MYBPC2: variants seen among roughly 807,000 people sequenced by gnomAD.
MYBPC2 encodes myosin-binding protein C, fast-type.
MYBPC2 carries 122 observed loss-of-function variants against 137.0 expected under a neutral mutation model. That is an observed-to-expected ratio of 0.89 (90% CI 0.77 to 1.03). The LOEUF (loss-of-function observed/expected upper bound fraction) is 1.03. Among genes scored for constraint, MYBPC2 ranks in the 50% least tolerant of loss-of-function variants. The probability of loss-of-function intolerance (pLI) is 0.00; values close to 1 mark genes in which losing one functional copy is unlikely to be tolerated. For synonymous variants in MYBPC2, 626 were observed against 612.3 expected (o/e 1.02, Z -0.33); for missense variants, 1,500 against 1,534.4 (o/e 0.98, Z 0.37).
Position 50,451,416 on chromosome 19 carries a change from G to A in MYBPC2, c.1609+107G>A, listed in dbSNP as rs146900132. The A allele has an allele frequency of 9.3e-4, 1,184 of 1,271,490 alleles. 12 individuals carry two copies. The African/African-American group carries it at 0.014, about 15-fold the overall frequency. The allele number at this position is 1,271,490 out of a possible 1,614,324, so 78.8% of individuals were successfully genotyped here. A position where few individuals can be genotyped will look rare whatever the true frequency, so the allele number is the denominator to read the frequency against. The stretch of plus-strand genomic sequence containing the variant: ...ATAGGCAGGGCGAGGAAGGATGGGC[G>A]GGGTGCGGGAGGATGAGTGGGGAGA... On this transcript the variant is annotated intron_variant, in intron 15 of 27. Coordinates refer to ENST00000357701, the MANE Select transcript of MYBPC2 (RefSeq NM_004533.4).
intron 11 of MYBPC2, among the ~76,000 whole-genome samples, 186 bp from the exon 12 acceptor site, chr19:50,445,692 CCT>C (rs1241233835): frequency 6.6e-6 from 1 of 151,878 alleles, no homozygotes; most frequent in African/African-American, 2.4e-5. Flanking sequence ...CGTGCCTGGC[CCT>C]CTCTCTCCCC....
At chr19:50,458,438 C>A in intron 20 of MYBPC2, 149 bp from the exon 21 acceptor site, 2 of 955,790 alleles carry the variant, frequency 2.1e-6, no homozygotes, top group Non-Finnish European at 3.0e-6. Context: ...ATGATGAATG[C>A]TTAACTAACT....
Position 50,435,387 on chromosome 19 carries a change from G to T in MYBPC2, c.109+137G>T. 2 of 649,326 alleles carry T rather than the reference G, an allele frequency of 3.1e-6. No individual in the cohort carries two copies. The highest frequency in any genetic ancestry group is 1.7e-5 in the South Asian group (1 of 59,592). The allele number at this position is 649,326 out of a possible 1,614,324, so 40.2% of individuals were successfully genotyped here. A position where few individuals can be genotyped will look rare whatever the true frequency, so the allele number is the denominator to read the frequency against. ...GCCCCAGGGCTGACCCACGCCTCCCGTGCTCCCAGCCCTCCCGGGGCTCCC... is the reference window on the plus strand; with the variant it reads ...GCCCCAGGGCTGACCCACGCCTCCCTTGCTCCCAGCCCTCCCGGGGCTCCC... On this transcript the variant is annotated intron_variant, in intron 2 of 27. Coordinates refer to ENST00000357701, the MANE Select transcript of MYBPC2 (RefSeq NM_004533.4). The surrounding 1 kb of genome is among the most constrained non-coding windows in gnomAD (Gnocchi z 4.8).
At chr19:50,433,277 T>C (rs963289382) in intron 1 of MYBPC2, among the ~76,000 whole-genome samples, 4 of 152,058 alleles carry the variant, frequency 2.6e-5, no homozygotes, top group Non-Finnish European at 4.4e-5. Flanking sequence ...TTTCTTTTTC[T>C]ATAAGTGATT....
Position 50,465,937 on chromosome 19 carries a change from G to A in MYBPC2, c.3416-258G>A, listed in dbSNP as rs1336471002. ...GTCTCCCTGATTAACTATTAAATCA[G>A]CTCAGAAAAATCCCAGCCTCAGGAT... is the stretch of plus-strand genomic sequence containing the variant. On this transcript the variant is annotated intron_variant, in intron 27 of 27. Coordinates refer to ENST00000357701, the MANE Select transcript of MYBPC2 (RefSeq NM_004533.4). The surrounding 1 kb of genome is among the most constrained non-coding windows in gnomAD (Gnocchi z 4.5). Among the ~76,000 whole-genome samples the A allele has an allele frequency of 6.6e-6, 1 of 152,146 alleles. No homozygotes were observed. The highest frequency in any genetic ancestry group is 1.9e-4 in the East Asian group (1 of 5,192).
rs1188243325 is a variant in MYBPC2, at chr19:50,435,809, A to T, written c.143A>T (p.Glu48Val). Residue 48 changes from glutamate to valine, a missense_variant, in exon 3 of 28, where the codon GAG (glutamate) becomes GTG (valine). Transcript: ENST00000357701. The surrounding 1 kb of genome is among the most constrained non-coding windows in gnomAD (Gnocchi z 4.8). ...APPEDQSPTA[E>V]EPTGVFLKKP... ...CCCGAGGACCAGTCCCCGACTGCAG[A>T]GGAGCCCACCGGCGTTTTCCTGAAG... is the stretch of plus-strand genomic sequence containing the variant. 1.2e-6 allele frequency: 2 copies of T among 1,611,922 alleles called. No individual in the cohort carries two copies. The highest frequency in any genetic ancestry group is 3.3e-5 in the Admixed American group (2 of 59,840).
At chr19:50,447,303 G>A (rs1048568546) in intron 12 of MYBPC2, among the ~76,000 whole-genome samples, 2 of 152,126 alleles carry the variant, frequency 1.3e-5, no homozygotes, top group African/African-American at 2.4e-5. Flanking sequence ...AAGAGCACAC[G>A]GGACTCTATG....
chr19:50,466,123 A>G lies in MYBPC2; in HGVS notation c.3416-72A>G. 4.4e-6 allele frequency: 7 copies of G among 1,604,282 alleles called. No individual in the cohort carries two copies. Among genetic ancestry groups the G allele is most frequent in the Non-Finnish European group, 5.1e-6 (6 of 1,175,180 alleles). Reference sequence around the variant, plus strand: ...GTCCCCCTGCTGGTCATGTGGATGCAGCTCCTCCTCCTGGGGCTTCAGGAG... The same window carrying G: ...GTCCCCCTGCTGGTCATGTGGATGCGGCTCCTCCTCCTGGGGCTTCAGGAG... On this transcript the variant is annotated intron_variant, in intron 27 of 27. Coordinates refer to ENST00000357701, the MANE Select transcript of MYBPC2 (RefSeq NM_004533.4). The surrounding 1 kb of genome is among the most constrained non-coding windows in gnomAD (Gnocchi z 4.9).
intron 24 of MYBPC2, among the ~76,000 whole-genome samples, chr19:50,460,614 T>G (rs894524023): frequency 6.6e-6 from 1 of 152,352 alleles, no homozygotes; most frequent in African/African-American, 2.4e-5. Context: ...GTGACCCTTG[T>G]GTCTGACTTT....
intron 16 of MYBPC2, 92 bp downstream of exon 16, chr19:50,452,095 G>A (rs1287446039): frequency 7.4e-7 from 1 of 1,353,450 alleles, no homozygotes; most frequent in Non-Finnish European, 1.0e-6. Context: ...TATAAAATGA[G>A]GGTGATGGTT....
intron 15 of MYBPC2, 114 bp downstream of exon 15, chr19:50,451,423 G>A (rs540137422): frequency 2.5e-5 from 28 of 1,134,770 alleles, no homozygotes; most frequent in South Asian, 9.1e-5. Context: ...GGCGGGGTGC[G>A]GGAGGATGAG....
At chr19:50,457,332 A>G (rs1171340110) in intron 20 of MYBPC2, among the ~76,000 whole-genome samples, 1 of 152,170 alleles carries the variant, frequency 6.6e-6, no homozygotes, top group East Asian at 1.9e-4. Flanking sequence ...CTCTGAGCCA[A>G]CAGCCATGAG....
intron 16 of MYBPC2, among the ~76,000 whole-genome samples, chr19:50,452,526 A>ATCTATCTATCTG (rs2039870994): frequency 6.6e-6 from 1 of 151,624 alleles, no homozygotes; most frequent in Non-Finnish European, 1.5e-5. Context: ...CTATCTATCT[A>ATCTATCTATCTG]TCTATCTATC....
rs374672601 is a variant in MYBPC2 at position 50,445,965 on chromosome 19, A to G, written c.1219A>G (p.Ile407Val). 1.1e-5 allele frequency: 17 copies of G among 1,613,146 alleles called. No individual in the cohort carries two copies. The highest frequency in any genetic ancestry group is 1.4e-5 in the Non-Finnish European group (17 of 1,179,600). Residue 407 changes from isoleucine (I) to valine (V), a missense_variant, in exon 12 of 28, where the codon ATC (isoleucine) becomes GTC (valine). Physicochemically the swap from Ile to Val is conservative, Grantham distance 29. Transcript: ENST00000357701. ...FKKDGKRHIL[I>V]FSDVVQEDRG... ...GAAGGACGGGAAGCGCCACATCCTC[A>G]TCTTCTCAGACGTGGTCCAGGAGGA...
chr19:50,461,626 G>C lies in MYBPC2; in HGVS notation c.3016G>C (p.Val1006Leu), dbSNP rs200308610. 37 of 1,613,614 alleles carry C rather than the reference G, an allele frequency of 2.3e-5. No homozygotes were observed. In the African/African-American group the frequency reaches 4.4e-4, roughly 19 times the overall value. Residue 1006 changes from valine (V) to leucine (L), a missense_variant, in exon 25 of 28, where the codon GTT (valine) becomes CTT (leucine). By Grantham distance (32) the Val-to-Leu change is conservative. Transcript: ENST00000357701. ...CGTGGGCAATGAATACTATTTCCGA[G>C]TTTACACCGAGAACATCTGTGGGCT... The part of the protein sequence containing the change: ...LIVGNEYYFR[V>L]YTENICGLSD...
In MYBPC2 at chr19:50,454,283, A is replaced by G; in HGVS notation, c.1928A>G (p.Glu643Gly). ...CCTGCAGATGTCCCAGACCCCCCGG[A>G]GGCTGTGCGCATCACCTCGGTTGGA... ...LQVVDVPDPPEAVRITSVGED... is the reference protein window; with the variant it reads ...LQVVDVPDPPGAVRITSVGED... The change falls in exon 18 of 28, where the codon GAG (glutamate) becomes GGG (glycine). Residue 643 changes from glutamate (E) to glycine (G), a missense_variant. Transcript: ENST00000357701. 1 of 1,613,838 alleles carries G rather than the reference A, an allele frequency of 6.2e-7. No individual in the cohort carries two copies. The highest frequency in any genetic ancestry group is 8.5e-7 in the Non-Finnish European group (1 of 1,179,848).
At position 50,454,065 on chromosome 19, in the gene MYBPC2, G is replaced by T; in HGVS notation, c.1795G>T (p.Asp599Tyr). The change falls in exon 17 of 28, where the codon GAC becomes TAC. Residue 599 changes from aspartate (D) to tyrosine (Y), a missense_variant. By Grantham distance (160) the Asp-to-Tyr change is radical. Coordinates refer to ENST00000357701, the MANE Select transcript of MYBPC2 (RefSeq NM_004533.4). ...EGRTRIEKRV[D>Y]CSSFVIESAQ... ...CAGGACCCGCATCGAGAAGCGGGTG[G>T]ACTGCAGCAGCTTTGTGATTGAGAG... The T allele has an allele frequency of 6.2e-7, 1 of 1,609,832 alleles. No homozygotes were observed.
At chr19:50,452,556 C>T (rs2039871627) in intron 16 of MYBPC2, among the ~76,000 whole-genome samples, 1 of 150,862 alleles carries the variant, frequency 6.6e-6, no homozygotes, top group Non-Finnish European at 1.5e-5. Flanking sequence ...ATCTATCTAT[C>T]TATGTATCTA....
chr19:50,449,756 C>T (rs2039839292), intron 13 of MYBPC2, among the ~76,000 whole-genome samples: 1 of 152,134 alleles, frequency 6.6e-6, no homozygotes, highest in African/African-American at 2.4e-5. Context: ...CAGCATGATG[C>T]CTGGAGAACA....
Sources: allele counts gnomAD v4.1 joint callset (sites outside exome capture counted in the v4.1 genomes callset), GRCh38; gene constraint gnomAD v4.1.1; non-coding constraint Gnocchi (gnomAD v3.1); transcripts MANE v1.5; gene names NCBI Gene and HGNC (gene_info 2026-07-23, HGNC 2026-07-21).